SGMS2: variants seen among roughly 807,000 people sequenced by gnomAD.
The protein encoded by SGMS2 is phosphatidylcholine:ceramide cholinephosphotransferase 2.
Under a neutral mutation model 43.8 loss-of-function variants are expected in SGMS2, and 21 were observed. That is an observed-to-expected ratio of 0.48 (90% confidence interval 0.34 to 0.69). SGMS2 has a LOEUF of 0.69. SGMS2 is among the 30% of genes least tolerant of loss of function. The pLI is 0.01. For missense variants in SGMS2, 384 were observed against 443.2 expected, an observed-to-expected ratio of 0.87 and a Z score of 1.20; for synonymous variants, 167 against 160.6, an observed-to-expected ratio of 1.04 and a Z score of -0.30.
Position 107,827,089 on chromosome 4 carries a change from G to A in SGMS2, c.-327+1836G>A, listed in dbSNP as rs550247108. Reference sequence around the variant, plus strand: ...CTTAGAACTATTAAAATAGACAATGGAGTATCAGTGAGAACTTTTTTTAAA... The same window carrying A: ...CTTAGAACTATTAAAATAGACAATGAAGTATCAGTGAGAACTTTTTTTAAA... On this transcript the variant is annotated intron_variant, in intron 1 of 6. Coordinates refer to ENST00000690982, the MANE Select transcript of SGMS2 (RefSeq NM_001375905.1). 1.8e-3 allele frequency among the ~76,000 whole-genome samples: 269 copies of A among 152,234 alleles called. 1 individual carries two copies. The highest frequency in any genetic ancestry group is 6.2e-3 in the African/African-American group (256 of 41,542).
chr4:107,901,791 T>C (rs991910856), intron 4 of SGMS2, among the ~76,000 whole-genome samples: 3 of 152,198 alleles, frequency 2.0e-5, no homozygotes, highest in Non-Finnish European at 4.4e-5. Flanking sequence ...AACCTATTTT[T>C]CCACATACAA....
At position 107,895,552 on chromosome 4, in the gene SGMS2, C is replaced by T. The variant is rs572555808; in HGVS notation, c.-2C>T. On this transcript the variant is annotated 5_prime_UTR_variant, in exon 3 of 7. Coordinates refer to ENST00000690982, the MANE Select transcript of SGMS2 (RefSeq NM_001375905.1). ...CCTTTTTGATCTGAAGACTAGGGGA[C>T]AATGGATATCATAGAGACAGCAAAA... 6.2e-7 allele frequency: 1 copy of T among 1,610,914 alleles called. No homozygotes were observed. Among genetic ancestry groups the T allele is most frequent in the Non-Finnish European group, 8.5e-7 (1 of 1,178,174 alleles).
intron 2 of SGMS2, chr4:107,874,138 G>A (rs190975072): frequency 7.9e-5 from 12 of 152,144 alleles, no homozygotes; most frequent in African/African-American, 2.4e-4. Flanking sequence ...AGGTTTCTGC[G>A]AAAGAAAAAC....
At chr4:107,827,803 T>C (rs1190268543) in intron 1 of SGMS2, among the ~76,000 whole-genome samples, 2 of 152,028 alleles carry the variant, frequency 1.3e-5, no homozygotes, top group African/African-American at 4.8e-5. Flanking sequence ...CTGGCCAATA[T>C]GGTAAAACTC....
chr4:107,859,056 A>G (rs1727586098), intron 2 of SGMS2, among the ~76,000 whole-genome samples: 1 of 152,246 alleles, frequency 6.6e-6, no homozygotes, highest in Non-Finnish European at 1.5e-5. Context: ...TTCTATGCCC[A>G]CTGAGGAAGA....
intron 4 of SGMS2, among the ~76,000 whole-genome samples, chr4:107,902,800 G>A (rs1420104758): frequency 6.6e-6 from 1 of 151,660 alleles, no homozygotes; most frequent in African/African-American, 2.4e-5. Flanking sequence ...TCCACTTTAG[G>A]CTGCCCACCT....
intron 2 of SGMS2, among the ~76,000 whole-genome samples, chr4:107,876,163 TGTAATAACCA>T (rs1308717456): frequency 1.3e-5 from 2 of 152,178 alleles, no homozygotes; most frequent in African/African-American, 4.8e-5. Flanking sequence ...AAAGCACAAA[TGTAATAACCA>T]GTAACCCATT....
intron 1 of SGMS2, among the ~76,000 whole-genome samples, chr4:107,829,472 A>C (rs185659047): frequency 6.6e-6 from 1 of 152,224 alleles, no homozygotes; most frequent in Non-Finnish European, 1.5e-5. Flanking sequence ...ATTTCTAACA[A>C]TGACTTGTAA....
chr4:107,901,627 T>C (rs1321230085), intron 4 of SGMS2, among the ~76,000 whole-genome samples: 2 of 152,238 alleles, frequency 1.3e-5, no homozygotes, highest in African/African-American at 4.8e-5. Context: ...TTATGTATCC[T>C]ATGGTTCACT....
intron 2 of SGMS2, among the ~76,000 whole-genome samples, chr4:107,879,714 A>C (rs950383719): frequency 6.6e-6 from 1 of 152,156 alleles, no homozygotes; most frequent in Non-Finnish European, 1.5e-5. Flanking sequence ...CACCTGCCTC[A>C]GCTTCCCAAA....
chr4:107,864,847 T>G (rs1321881301), intron 2 of SGMS2, among the ~76,000 whole-genome samples: 1 of 152,194 alleles, frequency 6.6e-6, no homozygotes, highest in Non-Finnish European at 1.5e-5. Flanking sequence ...TATGCAGTCT[T>G]ATGCCTTGAA....
chr4:107,841,695 A>G (rs937062935), intron 1 of SGMS2, among the ~76,000 whole-genome samples: 14 of 151,986 alleles, frequency 9.2e-5, no homozygotes, highest in African/African-American at 3.4e-4. Flanking sequence ...ACAGGGTCTC[A>G]CTATGTTGCC....
At chr4:107,826,642 C>G (rs188990262) in intron 1 of SGMS2, among the ~76,000 whole-genome samples, 5 of 150,308 alleles carry the variant, frequency 3.3e-5, no homozygotes, top group African/African-American at 1.2e-4. Flanking sequence ...TCACAATAGT[C>G]TGGTTGAAGT....
At chr4:107,838,460 A>T (rs1428294984) in intron 1 of SGMS2, among the ~76,000 whole-genome samples, 1 of 151,000 alleles carries the variant, frequency 6.6e-6, no homozygotes, top group Non-Finnish European at 1.5e-5. Context: ...TTGAAGTTAC[A>T]TATTAAAATA....
At chr4:107,858,631 C>T (rs903229623) in intron 2 of SGMS2, 78 bp downstream of exon 2, 1 of 152,268 alleles carries the variant, frequency 6.6e-6, no homozygotes, top group East Asian at 1.9e-4. Flanking sequence ...TAACTTACAT[C>T]AGCTGAAGGT....
At chr4:107,859,733 G>C (rs2126029831) in intron 2 of SGMS2, among the ~76,000 whole-genome samples, 1 of 152,266 alleles carries the variant, frequency 6.6e-6, no homozygotes, top group South Asian at 2.1e-4. Context: ...AACCAGAGCA[G>C]GGAGGCACAG....
chr4:107,829,154 AG>A (rs1394451317), intron 1 of SGMS2, among the ~76,000 whole-genome samples: 7 of 152,348 alleles, frequency 4.6e-5, no homozygotes, highest in Non-Finnish European at 8.8e-5. Flanking sequence ...CATTTTAAAT[AG>A]GTCACCTGTT....
intron 1 of SGMS2, among the ~76,000 whole-genome samples, chr4:107,827,984 TCAAAA>T (rs541850484): frequency 1.3e-3 from 204 of 152,176 alleles, no homozygotes; most frequent in South Asian, 4.4e-3. Flanking sequence ...AGACTCTGTC[TCAAAA>T]CAAAACAAAA....
chr4:107,895,558 A>T lies in SGMS2; in HGVS notation c.5A>T (p.Asp2Val). ...TGATCTGAAGACTAGGGGACAATGGATATCATAGAGACAGCAAAACTTGAA... is the reference window on the plus strand; with the variant it reads ...TGATCTGAAGACTAGGGGACAATGGTTATCATAGAGACAGCAAAACTTGAA... Reference protein sequence around the residue: MDIIETAKLEEH... With the variant: MVIIETAKLEEH... Residue 2 changes from aspartate to valine, a missense_variant, in exon 3 of 7, where the codon GAT (aspartate) becomes GTT (valine). By Grantham distance (152) the Asp-to-Val change is radical. Coordinates refer to ENST00000690982, the MANE Select transcript of SGMS2 (RefSeq NM_001375905.1). The T allele has an allele frequency of 1.9e-6, 3 of 1,612,740 alleles. No individual in the cohort carries two copies. Among genetic ancestry groups the T allele is most frequent in the Non-Finnish European group, 2.5e-6 (3 of 1,179,262 alleles).
Sources: allele counts gnomAD v4.1 joint callset (sites outside exome capture counted in the v4.1 genomes callset), GRCh38; gene constraint gnomAD v4.1.1; transcripts MANE v1.5; gene names NCBI Gene and HGNC (gene_info 2026-07-23, HGNC 2026-07-21).